The following ADAM10 variants were observed in gnomAD, a reference collection of about 807,000 sequenced individuals.
The protein encoded by ADAM10 is ADAM metallopeptidase domain 10, also known as disintegrin and metalloproteinase domain-containing protein 10.
A neutral mutation model predicts 90.1 loss-of-function variants in ADAM10; 17 were observed. The observed-to-expected ratio is 0.19, with a 90% CI of 0.13 to 0.28. ADAM10 has a LOEUF of 0.28. Ranked by LOEUF, ADAM10 falls within the 10% of genes least tolerant of loss-of-function variation. The probability of loss-of-function intolerance (pLI) is 1.00; values close to 1 mark genes in which losing one functional copy is unlikely to be tolerated. For missense variants in ADAM10, 610 were observed against 914.3 expected (o/e 0.67, Z 4.29); for synonymous variants, 310 against 298.6 (o/e 1.04, Z -0.40).
chr15:58,679,069 T>C lies in ADAM10; in HGVS notation c.484+55A>G, dbSNP rs1596059647. The C allele has an allele frequency of 2.6e-6, 4 of 1,529,624 alleles. No individual in the cohort carries two copies. In the East Asian group the frequency reaches 9.1e-5, roughly 35 times the overall value. 94.8% of individuals were successfully genotyped at this position (1,529,624 alleles called of 1,614,324 possible). Reference sequence around the variant, plus strand: ...AATGCTTCATTTGTCTCCACACAGTTTTAACTATCATATGCCTTTTGAAAA... The same window carrying C: ...AATGCTTCATTTGTCTCCACACAGTCTTAACTATCATATGCCTTTTGAAAA... On this transcript the variant is annotated intron_variant, in intron 4 of 15. Coordinates refer to ENST00000260408, the MANE Select transcript of ADAM10 (RefSeq NM_001110.4).
chr15:58,745,979 A>G (rs1749344152), intron 1 of ADAM10, among the ~76,000 whole-genome samples: 2 of 152,208 alleles, frequency 1.3e-5, no homozygotes, highest in African/African-American at 4.8e-5. Context: ...AAACTTAAAG[A>G]CACTGTGAAT....
chr15:58,636,064 A>T (rs1896241665), intron 8 of ADAM10, among the ~76,000 whole-genome samples: 1 of 152,144 alleles, frequency 6.6e-6, no homozygotes. Flanking sequence ...ATCACCTGAG[A>T]TCAGGAGTTG....
intron 11 of ADAM10, among the ~76,000 whole-genome samples, chr15:58,619,420 TA>T (rs1566969509): frequency 6.6e-6 from 1 of 152,160 alleles, no homozygotes. Context: ...ACAGTAAAGT[TA>T]CTACAATTAG....
intron 10 of ADAM10, among the ~76,000 whole-genome samples, chr15:58,625,788 C>T (rs1377221627): frequency 1.3e-5 from 2 of 152,096 alleles, no homozygotes; most frequent in African/African-American, 4.8e-5. Context: ...AAACAAATTG[C>T]AGTACATACA....
At chr15:58,616,981 T>C (rs1895633247) in intron 11 of ADAM10, among the ~76,000 whole-genome samples, 1 of 151,928 alleles carries the variant, frequency 6.6e-6, no homozygotes, top group South Asian at 2.1e-4. Context: ...TGGTGGCAGG[T>C]ACCTGTAGTC....
chr15:58,691,039 T>C (rs191465481), intron 2 of ADAM10: 64 of 558,650 alleles, frequency 1.1e-4, no homozygotes, highest in South Asian at 3.4e-4. Context: ...TTAGCCATCA[T>C]ATAACCCATC....
intron 11 of ADAM10, among the ~76,000 whole-genome samples, chr15:58,614,986 C>CAA (rs1363573202): frequency 6.6e-6 from 1 of 151,998 alleles, no homozygotes; most frequent in African/African-American, 2.4e-5. Context: ...CAAAACAAAA[C>CAA]AAAAACAGCC....
rs149515843 is a variant in ADAM10, at chr15:58,610,869, T to A, written c.1804+130A>T. 1.1e-3 allele frequency: 822 copies of A among 743,078 alleles called. 3 individuals carry two copies. Among genetic ancestry groups the A allele is most frequent in the Middle Eastern group, 9.6e-3 (31 of 3,222 alleles). 46.0% of individuals were successfully genotyped at this position (743,078 alleles called of 1,614,324 possible). A position where few individuals can be genotyped will look rare whatever the true frequency, so the allele number is the denominator to read the frequency against. On this transcript the variant is annotated intron_variant, in intron 13 of 15. Coordinates refer to ENST00000260408, the MANE Select transcript of ADAM10 (RefSeq NM_001110.4). ...ACACAATGCTACGTTACATTTATAA[T>A]CTCCTCAAGAGGACAGATTTAGCTG...
chr15:58,612,847 G>C (rs1030857821), intron 11 of ADAM10, among the ~76,000 whole-genome samples: 4 of 152,130 alleles, frequency 2.6e-5, no homozygotes, highest in African/African-American at 9.7e-5. Flanking sequence ...CACAGATCCT[G>C]GTGCTATAGG....
rs1253232118 is a variant in ADAM10, at chr15:58,597,272, G to A, written c.*275C>T. ...AGCAACGAAGAACAGGGAACACGGGGCACATAATAATATTCTAAGACTTTG... is the reference window on the plus strand; with the variant it reads ...AGCAACGAAGAACAGGGAACACGGGACACATAATAATATTCTAAGACTTTG... On this transcript the variant is annotated 3_prime_UTR_variant, in exon 16 of 16. Coordinates refer to ENST00000260408, the MANE Select transcript of ADAM10 (RefSeq NM_001110.4). 3 of 1,084,132 alleles carry A rather than the reference G, an allele frequency of 2.8e-6. No individual in the cohort carries two copies. The highest frequency in any genetic ancestry group is 3.9e-6 in the Non-Finnish European group (3 of 772,052). The allele number at this position is 1,084,132 out of a possible 1,614,324, so 67.2% of individuals were successfully genotyped here. A position where few individuals can be genotyped will look rare whatever the true frequency, so the allele number is the denominator to read the frequency against.
chr15:58,644,058 T>A, intron 6 of ADAM10, 80 bp from the exon 7 acceptor site: 1 of 1,013,934 alleles, frequency 9.9e-7, no homozygotes, highest in Non-Finnish European at 1.5e-6. Flanking sequence ...CCAAAATCAG[T>A]AATTATTCAT....
Position 58,591,041 on chromosome 15 carries a change from C to T in ADAM10, c.*6506G>A, listed in dbSNP as rs1894813512. On this transcript the variant is annotated 3_prime_UTR_variant, in exon 16 of 16. Coordinates refer to ENST00000260408, the MANE Select transcript of ADAM10 (RefSeq NM_001110.4). ...GTGAGCTACTTAACATTTACTCCAA[C>T]GTGGGACACACAGGCTTAATGTGGA... 6.6e-6 allele frequency: 1 copy of T among 152,166 alleles called. No homozygotes were observed. 9.4% of individuals were successfully genotyped at this position (152,166 alleles called of 1,614,324 possible).
intron 6 of ADAM10, among the ~76,000 whole-genome samples, 158 bp downstream of exon 6, chr15:58,645,897 A>G (rs1438967838): frequency 6.6e-6 from 1 of 152,160 alleles, no homozygotes; most frequent in Non-Finnish European, 1.5e-5. Context: ...CTGGTCTTTC[A>G]GTTATCCATG....
chr15:58,589,553 T>C lies in ADAM10; in HGVS notation c.*7994A>G, dbSNP rs1156981183. The C allele has an allele frequency of 6.6e-6, 1 of 152,254 alleles. No individual in the cohort carries two copies. The highest frequency in any genetic ancestry group is 1.5e-5 in the Non-Finnish European group (1 of 68,090). 9.4% of individuals were successfully genotyped at this position (152,254 alleles called of 1,614,324 possible). ...TGGTTTCTTTCCTTCCGCTAGACCCTCAGCTCCCTGAAGGCACAGACTGCA... is the reference window on the plus strand; with the variant it reads ...TGGTTTCTTTCCTTCCGCTAGACCCCCAGCTCCCTGAAGGCACAGACTGCA... On this transcript the variant is annotated 3_prime_UTR_variant, in exon 16 of 16. Transcript: ENST00000260408.
chr15:58,667,926 A>C (rs771961576), intron 4 of ADAM10, among the ~76,000 whole-genome samples: 6 of 152,190 alleles, frequency 3.9e-5, no homozygotes, highest in Non-Finnish European at 8.8e-5. Flanking sequence ...GTAAGTGGGC[A>C]TAAGAAAAGC....
chr15:58,694,301 A>G (rs1596077445), intron 2 of ADAM10, among the ~76,000 whole-genome samples: 1 of 152,294 alleles, frequency 6.6e-6, no homozygotes, highest in East Asian at 1.9e-4. Flanking sequence ...ACATACAACA[A>G]TTAGCCAGGT....
chr15:58,655,702 A>AG lies in ADAM10; in HGVS notation c.585+9394_585+9395insC, dbSNP rs1566982277. On this transcript the variant is annotated intron_variant, in intron 5 of 15. Transcript: ENST00000260408. ...CATATATATATTATATATAGTATAT[A>AG]TATATATAGTATATATATATATATA... 3.7e-4 allele frequency among the ~76,000 whole-genome samples: 20 copies of AG among 53,804 alleles called. 1 individual carries two copies. The highest frequency in any genetic ancestry group is 5.2e-4 in the Non-Finnish European group (18 of 34,550). 35.3% of individuals were successfully genotyped at this position (53,804 alleles called of 152,430 possible).
At chr15:58,715,584 A>C (rs976698814) in intron 2 of ADAM10, among the ~76,000 whole-genome samples, 3 of 152,176 alleles carry the variant, frequency 2.0e-5, no homozygotes, top group African/African-American at 7.2e-5. Flanking sequence ...TTATACAATA[A>C]CAGGCACATC....
intron 14 of ADAM10, among the ~76,000 whole-genome samples, chr15:58,603,907 C>G (rs1319922128): frequency 7.3e-6 from 1 of 136,570 alleles, no homozygotes. Context: ...AAAAGGCCTA[C>G]TTTAGAATGT....
Sources: allele counts gnomAD v4.1 joint callset (sites outside exome capture counted in the v4.1 genomes callset), GRCh38; gene constraint gnomAD v4.1.1; transcripts MANE v1.5; gene names NCBI Gene and HGNC (gene_info 2026-07-23, HGNC 2026-07-21).